ANXA4: variants seen among roughly 807,000 people sequenced by gnomAD.
ANXA4 encodes annexin A4.
ANXA4 carries 39 observed loss-of-function variants against 49.8 expected under a neutral mutation model. The observed-to-expected ratio is 0.78, with a 90% CI of 0.61 to 1.02. The LOEUF (loss-of-function observed/expected upper bound fraction) is 1.02, where lower values mean the gene tolerates loss of function less well. Ranked by LOEUF, ANXA4 falls within the 50% of genes least tolerant of loss-of-function variation. The pLI, the probability that ANXA4 is intolerant of heterozygous loss-of-function variation, is 0.00. For synonymous variants in ANXA4, 134 were observed against 152.5 expected (o/e 0.88, Z 0.89); for missense variants, 360 against 410.1 (o/e 0.88, Z 1.05).
In ANXA4 at chr2:69,657,802, C is replaced by A. The variant is rs376506822; in HGVS notation, n.766+4520C>A. Among the ~76,000 whole-genome samples the A allele has an allele frequency of 1.2e-3, 178 of 151,922 alleles. 2 individuals carry two copies. Among genetic ancestry groups the A allele is most frequent in the Middle Eastern group, 3.4e-3 (1 of 294 alleles). ...TGTATAATACAAATTTTGATAAACA[C>A]AAAAAATAAAAATATATTGGAAATG... On this transcript the variant is annotated intron_variant and non_coding_transcript_variant, in intron 2 of 3. Coordinates refer to the ANXA4 transcript ENST00000418066.
Position 69,818,580 on chromosome 2 carries a change from A to T in ANXA4, c.629-19A>T. The T allele has an allele frequency of 6.6e-7, 1 of 1,520,978 alleles. No individual in the cohort carries two copies. The highest frequency in any genetic ancestry group is 8.9e-7 in the Non-Finnish European group (1 of 1,117,328). The allele number at this position is 1,520,978 out of a possible 1,614,324, so 94.2% of individuals were successfully genotyped here. ...TCTGTTTTTTCTTCCCAATAATACT[A>T]TTTTGTTATTGTCTGCAGTGTTTGA... On this transcript the variant is annotated intron_variant, in intron 9 of 12. Transcript: ENST00000394295.
At chr2:69,764,331 A>G (rs1174443165) in intron 1 of ANXA4, among the ~76,000 whole-genome samples, 1 of 152,242 alleles carries the variant, frequency 6.6e-6, no homozygotes, top group East Asian at 1.9e-4. Context: ...CTTTGATTCT[A>G]AAATAACTCT....
chr2:69,782,621 C>G (rs1672247052), intron 2 of ANXA4, among the ~76,000 whole-genome samples: 1 of 152,188 alleles, frequency 6.6e-6, no homozygotes, highest in Non-Finnish European at 1.5e-5. Flanking sequence ...TCCCAAAGTT[C>G]TGGGATTACA....
chr2:69,781,931 G>A (rs989492476), intron 2 of ANXA4, among the ~76,000 whole-genome samples: 3 of 152,236 alleles, frequency 2.0e-5, no homozygotes, highest in South Asian at 2.1e-4. Context: ...GACTGCTATC[G>A]ATACTCTGAG....
chr2:69,750,533 C>T (rs1207272957), intron 1 of ANXA4, among the ~76,000 whole-genome samples: 1 of 152,220 alleles, frequency 6.6e-6, no homozygotes, highest in Non-Finnish European at 1.5e-5. Context: ...CCACCTTAGC[C>T]TCCCAGGTGG....
intron 1 of ANXA4, among the ~76,000 whole-genome samples, chr2:69,646,457 A>G (rs952319624): frequency 2.0e-5 from 3 of 152,228 alleles, no homozygotes; most frequent in Non-Finnish European, 4.4e-5. Flanking sequence ...AATGTGACAC[A>G]AAACAGAGCT....
chr2:69,746,871 T>C (rs1395891347), intron 1 of ANXA4, among the ~76,000 whole-genome samples: 1 of 150,148 alleles, frequency 6.7e-6, no homozygotes, highest in Non-Finnish European at 1.5e-5. Flanking sequence ...GGTGGTGCAC[T>C]CCTGTAGTCC....
At chr2:69,658,514 C>T (rs771630818) in intron 2 of ANXA4, among the ~76,000 whole-genome samples, 5 of 151,944 alleles carry the variant, frequency 3.3e-5, no homozygotes, top group Non-Finnish European at 5.9e-5. Flanking sequence ...AACAGTTTCA[C>T]GAAGATTTAA....
chr2:69,764,048 C>T (rs374420265), intron 1 of ANXA4, among the ~76,000 whole-genome samples: 188 of 152,204 alleles, frequency 1.2e-3, no homozygotes, highest in African/African-American at 4.3e-3. Context: ...TACTGGCCAA[C>T]CTTGGAATTT....
intron 2 of ANXA4, among the ~76,000 whole-genome samples, chr2:69,713,438 A>G (rs1678745452): frequency 6.6e-6 from 1 of 152,234 alleles, no homozygotes; most frequent in Admixed American, 6.5e-5. Flanking sequence ...GCTCTGGGGC[A>G]GAGAGAAAGC....
chr2:69,696,790 A>G (rs897349912), intron 2 of ANXA4, among the ~76,000 whole-genome samples: 12 of 152,212 alleles, frequency 7.9e-5, no homozygotes, highest in African/African-American at 2.2e-4. Context: ...GACTAGGTGC[A>G]TTGTCAAGAA....
chr2:69,655,900 C>G (rs1358717768), intron 2 of ANXA4, among the ~76,000 whole-genome samples: 7 of 151,984 alleles, frequency 4.6e-5, no homozygotes, highest in Non-Finnish European at 8.8e-5. Context: ...AGCTGGAAAC[C>G]ATCATTCTCA....
chr2:69,792,752 T>A (rs186970462), intron 3 of ANXA4, among the ~76,000 whole-genome samples: 1 of 152,360 alleles, frequency 6.6e-6, no homozygotes, highest in Admixed American at 6.5e-5. Flanking sequence ...AATTCCATGT[T>A]CAGTAGTTTC....
At chr2:69,757,021 A>G (rs1369926213) in intron 1 of ANXA4, among the ~76,000 whole-genome samples, 2 of 148,338 alleles carry the variant, frequency 1.3e-5, no homozygotes, top group African/African-American at 4.9e-5. Context: ...CCACCTCCTA[A>G]TTTCAAGCAA....
chr2:69,757,262 ATATAT>A (rs1228963403), intron 1 of ANXA4, among the ~76,000 whole-genome samples: 1 of 50,252 alleles, frequency 2.0e-5, no homozygotes, highest in African/African-American at 1.0e-4. Context: ...ATATATATAT[ATATAT>A]TTTTTTTTTT....
intron 1 of ANXA4, among the ~76,000 whole-genome samples, chr2:69,772,898 T>A (rs13022673): frequency 6.6e-6 from 1 of 151,984 alleles, no homozygotes; most frequent in Non-Finnish European, 1.5e-5. Context: ...GCGTCTGTGA[T>A]CCAAGCTACT....
intron 1 of ANXA4, among the ~76,000 whole-genome samples, chr2:69,761,316 G>A (rs1474040462): frequency 6.6e-6 from 1 of 151,996 alleles, no homozygotes; most frequent in African/African-American, 2.4e-5. Flanking sequence ...TAGATTTCAT[G>A]AAATGTTCAG....
At chr2:69,820,973 CAG>C (rs1205412449) in intron 12 of ANXA4, 152 bp downstream of exon 12, 16 of 920,500 alleles carry the variant, frequency 1.7e-5, no homozygotes, top group Non-Finnish European at 7.7e-6. Context: ...CTCTTTCACA[CAG>C]ATATTTAAAC....
chr2:69,819,898 G>A (rs114377129), intron 11 of ANXA4, among the ~76,000 whole-genome samples: 3,483 of 151,806 alleles, frequency 0.023, 62 homozygotes, highest in African/African-American at 0.053. Context: ...TGAAATCCCC[G>A]TCTCTACAAA....
Sources: allele counts gnomAD v4.1 joint callset (sites outside exome capture counted in the v4.1 genomes callset), GRCh38; gene constraint gnomAD v4.1.1; transcripts MANE v1.5; gene names NCBI Gene and HGNC (gene_info 2026-07-23, HGNC 2026-07-21).